The following SORBS2 variants were observed in gnomAD, a reference collection of about 807,000 sequenced individuals.
SORBS2 encodes sorbin and SH3 domain-containing protein 2.
Under a neutral mutation model 97.7 loss-of-function variants are expected in SORBS2, and 46 were observed. The observed-to-expected ratio is 0.47, with a 90% CI of 0.37 to 0.60. SORBS2 has a LOEUF of 0.60. Among genes scored for constraint, SORBS2 ranks in the 20% least tolerant of loss-of-function variants. The pLI is 0.00. For synonymous variants in SORBS2, 476 were observed against 473.4 expected (o/e 1.01, Z -0.07); for missense variants, 1,316 against 1,282.3 (o/e 1.03, Z -0.40).
chr4:185,896,019 A>G (rs1374746431), intron 1 of SORBS2, among the ~76,000 whole-genome samples: 1 of 152,194 alleles, frequency 6.6e-6, no homozygotes, highest in African/African-American at 2.4e-5. Flanking sequence ...TAGAAATCCC[A>G]TTGACCACAA....
chr4:185,819,743 G>T (rs2099195557), intron 1 of SORBS2, among the ~76,000 whole-genome samples: 2 of 152,198 alleles, frequency 1.3e-5, no homozygotes, highest in Admixed American at 1.3e-4. Context: ...ATTCCTGCCT[G>T]GGGGTGTCCT....
chr4:185,806,178 T>C (rs937129142), intron 1 of SORBS2, among the ~76,000 whole-genome samples: 2 of 152,246 alleles, frequency 1.3e-5, no homozygotes, highest in African/African-American at 4.8e-5. Context: ...GGCTGCTGCC[T>C]CTGTGGTGTT....
At chr4:185,863,365 T>C (rs2099224978) in intron 1 of SORBS2, among the ~76,000 whole-genome samples, 1 of 152,234 alleles carries the variant, frequency 6.6e-6, no homozygotes, top group Non-Finnish European at 1.5e-5. Flanking sequence ...GACAGGTACA[T>C]GGATGGATCA....
At chr4:185,674,756 C>T (rs549377966) in intron 4 of SORBS2, among the ~76,000 whole-genome samples, 2 of 152,278 alleles carry the variant, frequency 1.3e-5, no homozygotes, top group South Asian at 4.1e-4. Context: ...TGATCAACCT[C>T]AAAGCCTTTA....
At chr4:185,923,466 T>C (rs949161602) in intron 1 of SORBS2, among the ~76,000 whole-genome samples, 2 of 114,960 alleles carry the variant, frequency 1.7e-5, no homozygotes, top group Non-Finnish European at 1.9e-5. Flanking sequence ...AAGTTTCTTT[T>C]TTTTAATTTT....
At chr4:185,948,782 T>G (rs925929373) in intron 1 of SORBS2, among the ~76,000 whole-genome samples, 2 of 152,036 alleles carry the variant, frequency 1.3e-5, no homozygotes, top group Non-Finnish European at 2.9e-5. Context: ...CCTCCCAAAG[T>G]GCTGGGATTA....
intron 2 of SORBS2, chr4:185,774,348 A>G (rs1205867978): frequency 6.6e-6 from 1 of 152,194 alleles, no homozygotes; most frequent in Non-Finnish European, 1.5e-5. Flanking sequence ...AATCTAAGAC[A>G]GATCAGTGAG....
At chr4:185,662,198 G>A in exon 5 of SORBS2, 1 of 1,613,710 alleles carries the variant, frequency 6.2e-7, no homozygotes, top group Middle Eastern at 1.6e-4. Flanking sequence ...AGTAACTCAT[G>A]GGACTCACGG....
chr4:185,807,279 G>A (rs1036781717), intron 1 of SORBS2, among the ~76,000 whole-genome samples: 4 of 152,110 alleles, frequency 2.6e-5, no homozygotes, highest in African/African-American at 9.6e-5. Context: ...TTTTTATTGT[G>A]TTTTTGTTTT....
At chr4:185,649,704 C>T in intron 2 of SORBS2, 48 bp from the exon 12 acceptor site, 1 of 1,183,342 alleles carries the variant, frequency 8.5e-7, no homozygotes, top group Non-Finnish European at 1.1e-6. Context: ...AGCAAATCAC[C>T]TCTTAAAAAT....
intron 1 of SORBS2, among the ~76,000 whole-genome samples, chr4:185,849,000 A>G (rs1010862486): frequency 7.9e-5 from 12 of 152,228 alleles, no homozygotes; most frequent in Non-Finnish European, 1.8e-4. Flanking sequence ...TCTGTGACAC[A>G]GGGACTTGAC....
chr4:185,672,142 C>T (rs888044835), intron 4 of SORBS2, among the ~76,000 whole-genome samples: 2 of 152,222 alleles, frequency 1.3e-5, no homozygotes, highest in African/African-American at 4.8e-5. Context: ...TGCAGTTCTG[C>T]ACCTATTATC....
intron 2 of SORBS2, chr4:185,772,280 A>C (rs2098976106): frequency 6.6e-6 from 1 of 152,124 alleles, no homozygotes; most frequent in Non-Finnish European, 1.5e-5. Context: ...CATTGCCTTC[A>C]CTGAGAGCTC....
intron 2 of SORBS2, among the ~76,000 whole-genome samples, chr4:185,723,042 T>C (rs2098527953): frequency 1.3e-5 from 2 of 152,112 alleles, no homozygotes; most frequent in South Asian, 2.1e-4. Context: ...CCAGAGTTTG[T>C]AACAGGCCTA....
intron 2 of SORBS2, 137 bp from the exon 12 acceptor site, chr4:185,649,793 A>G (rs1006783775): frequency 3.4e-5 from 15 of 447,342 alleles, no homozygotes; most frequent in African/African-American, 2.8e-4. Context: ...CATAATGCAT[A>G]CATTAGAAGG....
At position 185,684,276 on chromosome 4, in the gene SORBS2, C is replaced by T. The variant is rs1387535443; in HGVS notation, c.-197-5454G>A. Among the ~76,000 whole-genome samples, 2 of 152,116 alleles carry T rather than the reference C, an allele frequency of 1.3e-5. No homozygotes were observed. Among genetic ancestry groups the T allele is most frequent in the Non-Finnish European group, 2.9e-5 (2 of 68,018 alleles). On this transcript the variant is annotated intron_variant, in intron 2 of 20. Transcript: ENST00000284776. The surrounding 1 kb of genome is among the most constrained non-coding windows in gnomAD (Gnocchi z 4.2). ...TTCCTATCTGTGGGTACATGTGAAT[C>T]TTAATTGGTCAAGATTTTGGTATGT... is the stretch of plus-strand genomic sequence containing the variant.
At chr4:185,611,377 GATT>G (rs1223879285) in intron 12 of SORBS2, among the ~76,000 whole-genome samples, 1 of 151,098 alleles carries the variant, frequency 6.6e-6, no homozygotes, top group Non-Finnish European at 1.5e-5. Flanking sequence ...ATGAATATAT[GATT>G]ATATTTATTT....
chr4:185,659,045 AGG>A (rs1247857939), upstream of SORBS2, among the ~76,000 whole-genome samples: 1 of 152,142 alleles, frequency 6.6e-6, no homozygotes, highest in Non-Finnish European at 1.5e-5. Flanking sequence ...CATCAATATA[AGG>A]GTAATTAAAA....
chr4:185,850,550 T>G (rs1241886596), intron 1 of SORBS2, among the ~76,000 whole-genome samples: 3 of 152,166 alleles, frequency 2.0e-5, no homozygotes, highest in Non-Finnish European at 4.4e-5. Context: ...TTAATGAATT[T>G]GATTTGTGAG....
Sources: gnomAD v4.1 joint callset for allele counts (sites outside exome capture counted in the v4.1 genomes callset) on GRCh38, gnomAD v4.1.1 for gene constraint, Gnocchi (gnomAD v3.1) non-coding constraint, MANE v1.5 for transcripts, NCBI Gene and HGNC (gene_info 2026-07-23, HGNC 2026-07-21) for gene names.